The following CGNL1 variants were observed in gnomAD, a reference collection of about 807,000 sequenced individuals.
CGNL1 encodes the protein cingulin-like protein 1.
Under a neutral mutation model 141.2 loss-of-function variants are expected in CGNL1, and 132 were observed. That is an observed-to-expected ratio of 0.93 (90% CI 0.81 to 1.08). The LOEUF (loss-of-function observed/expected upper bound fraction) is 1.08. Among genes scored for constraint, CGNL1 ranks in the 50% least tolerant of loss-of-function variants. CGNL1 has a pLI of 0.00. For missense variants in CGNL1, 1,870 were observed against 1,588.6 expected, an observed-to-expected ratio of 1.18 and a Z score of -3.01; for synonymous variants, 690 against 622.1, an observed-to-expected ratio of 1.11 and a Z score of -1.63.
intron 1 of CGNL1, among the ~76,000 whole-genome samples, chr15:57,436,398 T>C (rs2063106210): frequency 6.6e-6 from 1 of 152,234 alleles, no homozygotes; most frequent in Non-Finnish European, 1.5e-5. Flanking sequence ...ATCAGCTATC[T>C]TGTAATCATA....
chr15:57,420,449 C>G (rs763759798), intron 1 of CGNL1, among the ~76,000 whole-genome samples: 18 of 152,174 alleles, frequency 1.2e-4, no homozygotes, highest in Middle Eastern at 3.2e-3. Flanking sequence ...ATGGGTCATT[C>G]TAACCTCCTC....
chr15:57,451,703 T>C (rs1398749193), intron 5 of CGNL1, 102 bp downstream of exon 5: 16 of 777,988 alleles, frequency 2.1e-5, no homozygotes, highest in Middle Eastern at 2.4e-4. Flanking sequence ...CAATTTTTTT[T>C]CCCCCAAAAG....
intron 8 of CGNL1, among the ~76,000 whole-genome samples, chr15:57,465,632 C>T (rs2152338123): frequency 6.6e-6 from 1 of 150,432 alleles, no homozygotes; most frequent in Admixed American, 6.6e-5. Context: ...CTCAGGGGAT[C>T]CGTCAGCTTC....
intron 13 of CGNL1, among the ~76,000 whole-genome samples, chr15:57,530,067 A>G (rs1233675061): frequency 6.6e-6 from 1 of 152,246 alleles, no homozygotes; most frequent in Non-Finnish European, 1.5e-5. Context: ...ACCTGGCTCA[A>G]AACAAGCTAA....
rs552141382 is a variant in CGNL1 at position 57,436,372 on chromosome 15, G to C, written c.-15-1613G>C. 6.6e-5 allele frequency among the ~76,000 whole-genome samples: 10 copies of C among 152,234 alleles called. No homozygotes were observed. The South Asian group carries it at 1.9e-3, about 28-fold the overall frequency. On this transcript the variant is annotated intron_variant, in intron 1 of 18. Coordinates refer to ENST00000281282, the MANE Select transcript of CGNL1 (RefSeq NM_032866.5). ...TTGAGTCACTTGGCCTAAGCTTTTG[G>C]GCTATGTGATGCTGGATCAGCTATC... is the stretch of plus-strand genomic sequence containing the variant.
chr15:57,396,461 C>G (rs550361698), intron 1 of CGNL1, among the ~76,000 whole-genome samples: 4 of 151,524 alleles, frequency 2.6e-5, no homozygotes, highest in African/African-American at 7.3e-5. Context: ...TTAAAAGAGA[C>G]AGGGTTTCGC....
chr15:57,489,145 G>A (rs1162251570), intron 8 of CGNL1, among the ~76,000 whole-genome samples: 1 of 152,200 alleles, frequency 6.6e-6, no homozygotes, highest in African/African-American at 2.4e-5. Flanking sequence ...AATTAAACAT[G>A]AATTGAAGGT....
intron 8 of CGNL1, among the ~76,000 whole-genome samples, chr15:57,516,395 C>T (rs7167112): frequency 0.15 from 23,322 of 152,004 alleles, 2,214 homozygotes; most frequent in East Asian, 0.41. Context: ...GTTAAAAGGT[C>T]GAAATCCCGT....
chr15:57,402,895 C>T (rs1343808866), intron 1 of CGNL1, among the ~76,000 whole-genome samples: 2 of 152,176 alleles, frequency 1.3e-5, no homozygotes, highest in African/African-American at 2.4e-5. Context: ...TTTAGGGCTA[C>T]AGGCTTGAAT....
chr15:57,516,843 C>T lies in CGNL1; in HGVS notation c.2467C>T (p.Arg823Cys), dbSNP rs752242782. 1.7e-5 allele frequency: 27 copies of T among 1,613,954 alleles called. No homozygotes were observed. In the East Asian group the frequency reaches 3.3e-4, roughly 20 times the overall value. ...SEQDQAGTEM[R>C]VKLLQEENEK... ...GCAAGACCAGGCGGGGACTGAAATG[C>T]GCGTGAAGCTTCTGCAGGAGGAGAA... Residue 823 changes from arginine to cysteine, a missense_variant, in exon 9 of 19, where the codon CGC (arginine) becomes TGC (cysteine). Arg to Cys is a radical substitution (Grantham distance 180). Coordinates refer to ENST00000281282, the MANE Select transcript of CGNL1 (RefSeq NM_032866.5).
chr15:57,416,615 C>T (rs1249160689), intron 1 of CGNL1, among the ~76,000 whole-genome samples: 1 of 152,184 alleles, frequency 6.6e-6, no homozygotes, highest in Non-Finnish European at 1.5e-5. Flanking sequence ...ATGCTGCTCT[C>T]AGAAGGCACT....
At chr15:57,513,286 GTGTGTGTGTT>G (rs1444538097) in intron 8 of CGNL1, among the ~76,000 whole-genome samples, 15 of 101,700 alleles carry the variant, frequency 1.5e-4, no homozygotes, top group African/African-American at 5.9e-4. Flanking sequence ...GTGTGTGTGT[GTGTGTGTGTT>G]TGTGTGATTG....
At chr15:57,509,571 G>T (rs1451358874) in intron 8 of CGNL1, among the ~76,000 whole-genome samples, 1 of 152,182 alleles carries the variant, frequency 6.6e-6, no homozygotes, top group Non-Finnish European at 1.5e-5. Flanking sequence ...GCCATTTATG[G>T]TGCCATGGGG....
intron 8 of CGNL1, among the ~76,000 whole-genome samples, chr15:57,483,178 T>C (rs1009074724): frequency 2.2e-4 from 34 of 152,358 alleles, no homozygotes; most frequent in African/African-American, 7.5e-4. Context: ...ATGTTGAGTA[T>C]TCCAGTCCAT....
intron 6 of CGNL1, among the ~76,000 whole-genome samples, chr15:57,453,064 G>C (rs187511071): frequency 6.3e-4 from 96 of 152,228 alleles, no homozygotes; most frequent in African/African-American, 2.0e-3. Flanking sequence ...AAAATAAAAA[G>C]GTATAGTAGT....
intron 4 of CGNL1, among the ~76,000 whole-genome samples, chr15:57,447,253 G>T (rs891064194): frequency 6.6e-6 from 1 of 152,186 alleles, no homozygotes; most frequent in African/African-American, 2.4e-5. Context: ...TCCCTTTCCA[G>T]TGCTGTTCAT....
chr15:57,408,136 T>A (rs967809219), intron 1 of CGNL1, among the ~76,000 whole-genome samples: 2 of 152,124 alleles, frequency 1.3e-5, no homozygotes, highest in Non-Finnish European at 2.9e-5. Context: ...TGACTAAATA[T>A]CTGTGTTCTG....
At chr15:57,402,166 A>T (rs149902828) in intron 1 of CGNL1, 48 of 152,214 alleles carry the variant, frequency 3.2e-4, no homozygotes, top group African/African-American at 1.1e-3. Context: ...ATGGGAGTAG[A>T]TCCCTCATGA....
chr15:57,543,873 C>G, intron 15 of CGNL1, 94 bp downstream of exon 15: 1 of 872,186 alleles, frequency 1.1e-6, no homozygotes, highest in Non-Finnish European at 1.8e-6. Context: ...GAGGTCCCTC[C>G]TTTACTTGGC....
Sources: allele counts gnomAD v4.1 joint callset (sites outside exome capture counted in the v4.1 genomes callset), GRCh38; gene constraint gnomAD v4.1.1; transcripts MANE v1.5; gene names NCBI Gene and HGNC (gene_info 2026-07-23, HGNC 2026-07-21).